Variants in NELL2 observed in about 807,000 individuals in gnomAD.
NELL2 encodes neural EGFL like 2, also known as protein kinase C-binding protein NELL2.
In NELL2, 41 loss-of-function variants were observed where a neutral mutation model predicts 109.6. That is an observed-to-expected ratio of 0.37 (90% CI 0.29 to 0.49). The LOEUF (loss-of-function observed/expected upper bound fraction) is 0.49, where lower values mean the gene tolerates loss of function less well. Ranked by LOEUF, NELL2 falls within the 20% of genes least tolerant of loss-of-function variation. NELL2 has a pLI of 0.98. For synonymous variants in NELL2, 355 were observed against 344.7 expected (o/e 1.03, Z -0.33); for missense variants, 900 against 1,008.3 (o/e 0.89, Z 1.45).
At chr12:44,898,041 C>T (rs558413581) in intron 1 of NELL2, among the ~76,000 whole-genome samples, 1 of 152,252 alleles carries the variant, frequency 6.6e-6, no homozygotes, top group African/African-American at 2.4e-5. Flanking sequence ...GCTGCAAAGC[C>T]CCTGTAGCCA....
intron 2 of NELL2, among the ~76,000 whole-genome samples, chr12:44,844,951 G>A (rs962014621): frequency 6.6e-6 from 1 of 152,144 alleles, no homozygotes. Context: ...ATTCCAGAAA[G>A]TTGCCACATA....
chr12:44,910,721 T>A (rs1945769724), intron 1 of NELL2, among the ~76,000 whole-genome samples: 1 of 152,018 alleles, frequency 6.6e-6, no homozygotes, highest in South Asian at 2.1e-4. Flanking sequence ...TGCCCATCAA[T>A]GATGGATTGG....
At chr12:44,593,475 C>A (rs1472946225) in intron 15 of NELL2, among the ~76,000 whole-genome samples, 1 of 152,134 alleles carries the variant, frequency 6.6e-6, no homozygotes, top group Non-Finnish European at 1.5e-5. Flanking sequence ...TGTGTAACTT[C>A]AGGCTTGTCA....
At position 44,668,436 on chromosome 12, in the gene NELL2, GC is replaced by G. The variant is rs557072625; in HGVS notation, c.1319-2828del. Among the ~76,000 whole-genome samples, 255 of 152,168 alleles carry G rather than the reference GC, an allele frequency of 1.7e-3. 2 individuals carry two copies. Among genetic ancestry groups the G allele is most frequent in the African/African-American group, 5.8e-3 (241 of 41,532 alleles). On this transcript the variant is annotated intron_variant, in intron 12 of 19. Transcript: ENST00000429094. ...TAGGCTTGTCCCACCCAATGCCCCT[GC>G]CATCAGCACCCAAATGCTTTATCCA...
chr12:44,691,538 G>A (rs948088429), intron 12 of NELL2, among the ~76,000 whole-genome samples: 6 of 152,104 alleles, frequency 3.9e-5, no homozygotes, highest in African/African-American at 1.2e-4. Flanking sequence ...AGAGTTGCAC[G>A]TCTCTTGTTG....
intron 15 of NELL2, among the ~76,000 whole-genome samples, chr12:44,536,953 CAT>C (rs942810197): frequency 7.5e-6 from 1 of 133,300 alleles, no homozygotes; most frequent in Non-Finnish European, 1.5e-5. Context: ...AGAAAGCACA[CAT>C]GTTTTGAGGC....
Position 44,606,169 on chromosome 12 carries a change from A to G in NELL2, c.1663+1000T>C, listed in dbSNP as rs185582454. 4.6e-3 allele frequency among the ~76,000 whole-genome samples: 696 copies of G among 152,270 alleles called. 3 individuals are homozygous for G. The highest frequency in any genetic ancestry group is 7.8e-3 in the Admixed American group (120 of 15,290). ...ATAGAAAGAGATGATCTAGTGATGTAAGCCCTTTTGTGAGCATCCTTCTGT... is the reference window on the plus strand; with the variant it reads ...ATAGAAAGAGATGATCTAGTGATGTGAGCCCTTTTGTGAGCATCCTTCTGT... On this transcript the variant is annotated intron_variant, in intron 15 of 19. Transcript: ENST00000429094.
At chr12:44,825,206 G>C (rs1041497073) in intron 2 of NELL2, among the ~76,000 whole-genome samples, 1 of 151,876 alleles carries the variant, frequency 6.6e-6, no homozygotes, top group African/African-American at 2.4e-5. Flanking sequence ...GGGTAGTATG[G>C]ATATTTAATA....
intron 9 of NELL2, among the ~76,000 whole-genome samples, chr12:44,723,334 C>G (rs886443729): frequency 1.3e-5 from 2 of 152,092 alleles, no homozygotes; most frequent in South Asian, 2.1e-4. Context: ...AAGGGGAAAT[C>G]GAAGAGAAAA....
chr12:44,891,109 T>C (rs1257876105), intron 1 of NELL2, among the ~76,000 whole-genome samples: 1 of 152,242 alleles, frequency 6.6e-6, no homozygotes, highest in Non-Finnish European at 1.5e-5. Flanking sequence ...TAAGATATGC[T>C]ACTGGTGTCC....
At chr12:44,699,131 A>G (rs1949146683) in intron 12 of NELL2, among the ~76,000 whole-genome samples, 1 of 152,200 alleles carries the variant, frequency 6.6e-6, no homozygotes, top group Non-Finnish European at 1.5e-5. Context: ...GATGTCCAAC[A>G]TAATTTTTGA....
intron 16 of NELL2, among the ~76,000 whole-genome samples, chr12:44,523,851 T>A (rs1941647778): frequency 6.6e-6 from 1 of 152,238 alleles, no homozygotes. Flanking sequence ...GATACTTTAA[T>A]GGGGATATCA....
intron 15 of NELL2, among the ~76,000 whole-genome samples, chr12:44,604,630 G>A (rs560060791): frequency 5.9e-5 from 9 of 152,252 alleles, no homozygotes; most frequent in African/African-American, 2.2e-4. Context: ...GTACCCTCAT[G>A]AGATTCACTG....
intron 3 of NELL2, among the ~76,000 whole-genome samples, chr12:44,808,444 A>G (rs563650373): frequency 1.3e-5 from 2 of 152,186 alleles, no homozygotes; most frequent in Non-Finnish European, 2.9e-5. Context: ...TAAGGGAGGT[A>G]TTAAAATACA....
At chr12:44,791,085 A>G (rs1285797507) in intron 3 of NELL2, among the ~76,000 whole-genome samples, 1 of 16,854 alleles carries the variant, frequency 5.9e-5, no homozygotes, top group African/African-American at 1.6e-4. Context: ...ATATATACAT[A>G]TATATATATA....
At chr12:44,650,987 T>C (rs1039064472) in intron 13 of NELL2, among the ~76,000 whole-genome samples, 11 of 152,224 alleles carry the variant, frequency 7.2e-5, no homozygotes, top group Admixed American at 1.3e-4. Context: ...TACCAGTCTG[T>C]GGCCTGTTAG....
chr12:44,519,924 G>T, intron 19 of NELL2, 81 bp downstream of exon 19: 27 of 1,137,544 alleles, frequency 2.4e-5, no homozygotes, highest in Middle Eastern at 2.6e-4. Flanking sequence ...CCTTCCTATT[G>T]TCCAGGTAGA....
intron 2 of NELL2, among the ~76,000 whole-genome samples, chr12:44,831,184 T>G (rs1436440364): frequency 6.6e-6 from 1 of 152,092 alleles, no homozygotes; most frequent in East Asian, 1.9e-4. Flanking sequence ...ACTTACTGTC[T>G]AAACTAATCT....
At chr12:44,526,104 A>G (rs115322019) in intron 16 of NELL2, among the ~76,000 whole-genome samples, 2,222 of 152,202 alleles carry the variant, frequency 0.015, 50 homozygotes, top group African/African-American at 0.051. Flanking sequence ...AGAAATTTGA[A>G]CTTTTTCATA....
Sources: allele counts gnomAD v4.1 joint callset (sites outside exome capture counted in the v4.1 genomes callset), GRCh38; gene constraint gnomAD v4.1.1; transcripts MANE v1.5; gene names NCBI Gene and HGNC (gene_info 2026-07-23, HGNC 2026-07-21).